The following DGAT2 variants were observed in gnomAD, a reference collection of about 807,000 sequenced individuals.
The protein encoded by DGAT2 is acyl-CoA retinol O-fatty-acyltransferase.
In DGAT2, 33 loss-of-function variants were observed where a neutral mutation model predicts 48.4. The observed-to-expected ratio is 0.68, with a 90% CI of 0.52 to 0.91. The LOEUF is 0.91. Ranked by LOEUF, DGAT2 falls within the 40% of genes least tolerant of loss-of-function variation. The pLI is 0.00. For missense variants in DGAT2, 446 were observed against 493.7 expected, an observed-to-expected ratio of 0.90 and a Z score of 0.92; for synonymous variants, 191 against 194.1, an observed-to-expected ratio of 0.98 and a Z score of 0.13.
At position 75,800,562 on chromosome 11, in the gene DGAT2, C is replaced by G. The variant is rs1489368580; in HGVS notation, c.*54C>G. 4 of 1,582,348 alleles carry G rather than the reference C, an allele frequency of 2.5e-6. No homozygotes were observed. The Admixed American group carries it at 5.4e-5, about 22-fold the overall frequency. On this transcript the variant is annotated 3_prime_UTR_variant, in exon 8 of 8. Coordinates refer to ENST00000228027, the MANE Select transcript of DGAT2 (RefSeq NM_032564.5). Reference sequence around the variant, plus strand: ...GAACCAGCTGCAAATCACTTTTTTGCTCTGTAAATTTGGAAGTGTCATGGG... The same window carrying G: ...GAACCAGCTGCAAATCACTTTTTTGGTCTGTAAATTTGGAAGTGTCATGGG...
intron 1 of DGAT2, among the ~76,000 whole-genome samples, chr11:75,780,074 G>A (rs1944844799): frequency 6.6e-6 from 1 of 152,250 alleles, no homozygotes; most frequent in Non-Finnish European, 1.5e-5. Context: ...CTGTGGGAGT[G>A]TGCAGAGAGA....
intron 1 of DGAT2, among the ~76,000 whole-genome samples, chr11:75,781,873 C>T (rs192633788): frequency 7.6e-4 from 115 of 152,272 alleles, no homozygotes; most frequent in Non-Finnish European, 1.2e-3. Flanking sequence ...TATGACTTTA[C>T]CTAATTTTAA....
intron 1 of DGAT2, among the ~76,000 whole-genome samples, chr11:75,778,810 G>T (rs1346661836): frequency 6.7e-6 from 1 of 148,342 alleles, no homozygotes; most frequent in Non-Finnish European, 1.5e-5. Flanking sequence ...CTCCAGCCTG[G>T]GCGACAGATC....
chr11:75,797,690 C>T (rs896597358), intron 6 of DGAT2, among the ~76,000 whole-genome samples: 4 of 152,164 alleles, frequency 2.6e-5, no homozygotes, highest in East Asian at 1.9e-4. Flanking sequence ...CAGCTGTTTT[C>T]TCTGTCCCCT....
At chr11:75,774,048 CAA>C (rs1465932941) in intron 1 of DGAT2, 1 of 152,292 alleles carries the variant, frequency 6.6e-6, no homozygotes, top group African/African-American at 2.4e-5. Flanking sequence ...GAGCCAGAGA[CAA>C]GAGAGACAGA....
chr11:75,779,507 C>A (rs1213365920), intron 1 of DGAT2, among the ~76,000 whole-genome samples: 1 of 152,202 alleles, frequency 6.6e-6, no homozygotes, highest in Non-Finnish European at 1.5e-5. Flanking sequence ...CCCTTGCCTA[C>A]CTTCCCAGAG....
intron 4 of DGAT2, chr11:75,796,109 C>G (rs1309952660): frequency 3.5e-6 from 2 of 579,000 alleles, no homozygotes; most frequent in Non-Finnish European, 6.2e-6. Context: ...AAACATTGCC[C>G]ACCCCTTCCC....
Position 75,784,718 on chromosome 11 carries a change from C to G in DGAT2, c.222C>G (p.Leu74=). The G allele has an allele frequency of 6.2e-7, 1 of 1,614,106 alleles. No individual in the cohort carries two copies. Among genetic ancestry groups the G allele is most frequent in the Non-Finnish European group, 8.5e-7 (1 of 1,179,976 alleles). Reference sequence around the variant, plus strand: ...AGCAGCTACAGGTCATCTCAGTGCTCCAGTGGGTCCTGTCCTTCCTTGTAC... The same window carrying G: ...AGCAGCTACAGGTCATCTCAGTGCTGCAGTGGGTCCTGTCCTTCCTTGTAC... ...VEKQLQVISV[L]QWVLSFLVLG... The change falls in exon 2 of 8, where the codon CTC becomes CTG. Residue 74 remains leucine (L), a synonymous_variant. Coordinates refer to ENST00000228027, the MANE Select transcript of DGAT2 (RefSeq NM_032564.5).
intron 1 of DGAT2, among the ~76,000 whole-genome samples, chr11:75,777,095 C>G (rs1038923535): frequency 1.3e-5 from 2 of 152,206 alleles, no homozygotes; most frequent in East Asian, 3.9e-4. Context: ...CCAGATGGGC[C>G]CAGGTGTGGC....
At chr11:75,800,299 G>A in intron 7 of DGAT2, 55 bp from the exon 8 acceptor site, 1 of 1,581,390 alleles carries the variant, frequency 6.3e-7, no homozygotes, top group Non-Finnish European at 8.6e-7. Flanking sequence ...GCATCATGGT[G>A]GATGCCCAGG....
At chr11:75,784,993 C>G (rs1260287223) in intron 2 of DGAT2, among the ~76,000 whole-genome samples, 1 of 152,080 alleles carries the variant, frequency 6.6e-6, no homozygotes, top group Non-Finnish European at 1.5e-5. Flanking sequence ...GATGGGAAAC[C>G]TCAAGTCTTA....
chr11:75,779,793 T>C (rs1944840695), intron 1 of DGAT2, among the ~76,000 whole-genome samples: 3 of 152,174 alleles, frequency 2.0e-5, no homozygotes, highest in Non-Finnish European at 4.4e-5. Flanking sequence ...GTGGAGAAAC[T>C]TGTACCTAGG....
intron 2 of DGAT2, among the ~76,000 whole-genome samples, chr11:75,788,797 A>G (rs1050823641): frequency 2.0e-5 from 3 of 152,216 alleles, no homozygotes; most frequent in African/African-American, 7.2e-5. Flanking sequence ...ACCAAACATG[A>G]GTACCTGCTG....
rs902106631 is a variant in DGAT2 at position 75,784,519 on chromosome 11, C to A, written c.122-99C>A. On this transcript the variant is annotated intron_variant, in intron 1 of 7. Transcript: ENST00000228027. The stretch of plus-strand genomic sequence containing the variant: ...CTGATTCTATAGCTGATGCTCTTCT[C>A]ATATCTAGAAGGGTACCTGTGGGAG... 6 of 1,498,604 alleles carry A rather than the reference C, an allele frequency of 4.0e-6. No individual in the cohort carries two copies. In the African/African-American group the frequency reaches 8.3e-5, roughly 21 times the overall value. 92.8% of individuals were successfully genotyped at this position (1,498,604 alleles called of 1,614,324 possible).
intron 1 of DGAT2, among the ~76,000 whole-genome samples, chr11:75,783,129 A>T (rs1411157103): frequency 6.6e-6 from 1 of 152,184 alleles, no homozygotes; most frequent in African/African-American, 2.4e-5. Context: ...CACCCCAGTT[A>T]TGCCAGTGGT....
chr11:75,785,716 CTG>C (rs1785229833), intron 2 of DGAT2, among the ~76,000 whole-genome samples: 1 of 152,212 alleles, frequency 6.6e-6, no homozygotes, highest in South Asian at 2.1e-4. Context: ...CTCTTCGGGA[CTG>C]TATAGGCTGG....
At chr11:75,798,153 C>T in intron 6 of DGAT2, 74 bp from the exon 7 acceptor site, 1 of 1,518,436 alleles carries the variant, frequency 6.6e-7, no homozygotes, top group South Asian at 1.2e-5. Flanking sequence ...TGGCCAGTGT[C>T]CAGGGCCTCT....
intron 6 of DGAT2, among the ~76,000 whole-genome samples, chr11:75,797,876 G>T (rs1455459267): frequency 6.6e-6 from 1 of 152,178 alleles, no homozygotes; most frequent in Non-Finnish European, 1.5e-5. Flanking sequence ...TGAAACAATG[G>T]TGAGTCCAGG....
rs1439130160 is a variant in DGAT2 at position 75,801,250 on chromosome 11, G to C, written c.*742G>C. ...GCAGCACAGACTCAGCCTTGGCCTG[G>C]AGCACATGCTTACTGGTGGCCTCAG... On this transcript the variant is annotated 3_prime_UTR_variant, in exon 8 of 8. Coordinates refer to ENST00000228027, the MANE Select transcript of DGAT2 (RefSeq NM_032564.5). The C allele has an allele frequency of 1.3e-5, 2 of 152,584 alleles. No homozygotes were observed. Among genetic ancestry groups the C allele is most frequent in the African/African-American group, 4.8e-5 (2 of 41,432 alleles). The allele number at this position is 152,584 out of a possible 1,614,324, so 9.5% of individuals were successfully genotyped here.
Sources: allele counts gnomAD v4.1 joint callset (sites outside exome capture counted in the v4.1 genomes callset), GRCh38; gene constraint gnomAD v4.1.1; transcripts MANE v1.5; gene names NCBI Gene and HGNC (gene_info 2026-07-23, HGNC 2026-07-21).